PCDH15: variants seen among roughly 807,000 people sequenced by gnomAD.
PCDH15 encodes protocadherin-15.
In PCDH15, 129 loss-of-function variants were observed where a neutral mutation model predicts 178.5. That is an observed-to-expected ratio of 0.72 (90% confidence interval 0.63 to 0.84). The LOEUF (loss-of-function observed/expected upper bound fraction) is 0.84. PCDH15 is among the 40% of genes least tolerant of loss of function. The pLI is 0.00. For missense variants in PCDH15, 2,230 were observed against 2,099.9 expected, an observed-to-expected ratio of 1.06 and a Z score of -1.21; for synonymous variants, 800 against 732.0, an observed-to-expected ratio of 1.09 and a Z score of -1.50.
At position 53,903,013 on chromosome 10, in the gene PCDH15, C is replaced by G. The variant is rs77889682; in HGVS notation, c.3501+230G>C. Among the ~76,000 whole-genome samples the G allele has an allele frequency of 0.02, 3,020 of 152,098 alleles. 97 individuals are homozygous for G. Among genetic ancestry groups the G allele is most frequent in the African/African-American group, 0.066 (2,720 of 41,510 alleles). On this transcript the variant is annotated intron_variant, in intron 26 of 37. Transcript: ENST00000644397. ...CAACATCTTATTCAATGTAAAACAT[C>G]GTAAGTATTTTGTTACCATTTTCAT...
intron 23 of PCDH15, among the ~76,000 whole-genome samples, chr10:53,944,966 A>G (rs2086404551): frequency 6.6e-6 from 1 of 152,194 alleles, no homozygotes; most frequent in Non-Finnish European, 1.5e-5. Flanking sequence ...AATGCTTCTA[A>G]CTTTCTTGGC....
At chr10:53,877,102 G>T (rs976640024) in intron 26 of PCDH15, among the ~76,000 whole-genome samples, 1 of 152,048 alleles carries the variant, frequency 6.6e-6, no homozygotes, top group Non-Finnish European at 1.5e-5. Flanking sequence ...AGGCTTGAGA[G>T]TACAAAACAA....
intron 1 of PCDH15, among the ~76,000 whole-genome samples, chr10:55,235,906 CAAAAAAAAA>C (rs144784085): frequency 6.1e-5 from 7 of 115,692 alleles, no homozygotes; most frequent in Middle Eastern, 5.0e-3. Flanking sequence ...GACTCCATGT[CAAAAAAAAA>C]AAAAAAAAAA....
At chr10:55,132,379 A>G (rs904705692) in intron 2 of PCDH15, among the ~76,000 whole-genome samples, 1 of 152,218 alleles carries the variant, frequency 6.6e-6, no homozygotes, top group African/African-American at 2.4e-5. Flanking sequence ...GAATAAATCT[A>G]ATTCTCCTTT....
chr10:54,825,851 T>G (rs1297406478), intron 3 of PCDH15, among the ~76,000 whole-genome samples: 1 of 152,264 alleles, frequency 6.6e-6, no homozygotes, highest in African/African-American at 2.4e-5. Flanking sequence ...TAATTAGTGA[T>G]GTTATTAACA....
chr10:54,306,429 G>C (rs572056730), intron 8 of PCDH15, among the ~76,000 whole-genome samples: 1 of 152,098 alleles, frequency 6.6e-6, no homozygotes, highest in African/African-American at 2.4e-5. Flanking sequence ...AAAATCTGTA[G>C]GACAGGCCAG....
chr10:54,989,538 G>C (rs1449744915), intron 2 of PCDH15, among the ~76,000 whole-genome samples: 3 of 152,180 alleles, frequency 2.0e-5, no homozygotes, highest in Non-Finnish European at 4.4e-5. Flanking sequence ...TGGAGTCAAA[G>C]GAGGTCATTT....
chr10:55,324,786 A>G (rs11004809), intron 2 of PCDH15, among the ~76,000 whole-genome samples: 237 of 152,280 alleles, frequency 1.6e-3, no homozygotes, highest in Non-Finnish European at 2.5e-3. Flanking sequence ...AAACTATCCC[A>G]GTTTTCAGAT....
chr10:55,312,624 T>G (rs1471844801), intron 1 of PCDH15, among the ~76,000 whole-genome samples: 2 of 151,720 alleles, frequency 1.3e-5, no homozygotes, highest in African/African-American at 4.8e-5. Context: ...TAATAGAGTT[T>G]TTTTTTTTTT....
At chr10:54,526,258 G>A (rs1394972300) in intron 3 of PCDH15, among the ~76,000 whole-genome samples, 1 of 152,096 alleles carries the variant, frequency 6.6e-6, no homozygotes, top group Non-Finnish European at 1.5e-5. Context: ...TATCTATACA[G>A]AATCACACAT....
At chr10:54,287,039 A>C (rs2059073753) in intron 8 of PCDH15, among the ~76,000 whole-genome samples, 1 of 152,208 alleles carries the variant, frequency 6.6e-6, no homozygotes. Context: ...CAGTAGCATA[A>C]GATCTGAAAC....
At chr10:53,899,786 A>AAG (rs2082203871) in intron 26 of PCDH15, among the ~76,000 whole-genome samples, 1 of 152,186 alleles carries the variant, frequency 6.6e-6, no homozygotes, top group African/African-American at 2.4e-5. Context: ...ATAAAATGAG[A>AAG]AGAACTGCTT....
chr10:54,920,468 CA>C (rs71014429), intron 2 of PCDH15, among the ~76,000 whole-genome samples: 6,616 of 57,070 alleles, frequency 0.12, 75 homozygotes, highest in Admixed American at 0.19. Flanking sequence ...GACTGTGTCT[CA>C]AAAAAAAAAA....
chr10:55,204,037 C>A (rs1317892886), intron 1 of PCDH15, among the ~76,000 whole-genome samples: 1 of 151,210 alleles, frequency 6.6e-6, no homozygotes, highest in Non-Finnish European at 1.5e-5. Flanking sequence ...ATAGTGAGAT[C>A]CTGTCTCTAT....
At chr10:54,007,884 T>G (rs1485939927) in intron 20 of PCDH15, among the ~76,000 whole-genome samples, 2 of 152,180 alleles carry the variant, frequency 1.3e-5, no homozygotes, top group African/African-American at 4.8e-5. Flanking sequence ...AATTATGTTA[T>G]CAACAAAACA....
chr10:55,362,100 C>G (rs916548910), intron 2 of PCDH15, among the ~76,000 whole-genome samples: 1 of 151,988 alleles, frequency 6.6e-6, no homozygotes, highest in Non-Finnish European at 1.5e-5. Flanking sequence ...ATAGTATTGA[C>G]CATTTTTCCA....
intron 2 of PCDH15, among the ~76,000 whole-genome samples, chr10:55,090,255 T>C (rs1842282627): frequency 6.6e-6 from 1 of 152,080 alleles, no homozygotes. Flanking sequence ...TACTGGGGTC[T>C]TCAGTATTAA....
chr10:54,851,032 C>A (rs1455050950), intron 3 of PCDH15, among the ~76,000 whole-genome samples: 1 of 152,040 alleles, frequency 6.6e-6, no homozygotes, highest in Non-Finnish European at 1.5e-5. Flanking sequence ...CTGTGACTAG[C>A]GTTTTAGTTT....
chr10:53,977,617 C>T (rs2090293488), intron 21 of PCDH15, among the ~76,000 whole-genome samples: 1 of 152,192 alleles, frequency 6.6e-6, no homozygotes, highest in Non-Finnish European at 1.5e-5. Context: ...CATGACCTCA[C>T]ATTTCAAAAC....
Sources: allele counts gnomAD v4.1 joint callset (sites outside exome capture counted in the v4.1 genomes callset), GRCh38; gene constraint gnomAD v4.1.1; transcripts MANE v1.5; gene names NCBI Gene and HGNC (gene_info 2026-07-23, HGNC 2026-07-21).